Variants in CSMD3 observed in about 807,000 individuals in gnomAD.
The protein encoded by CSMD3 is CUB and Sushi multiple domains 3.
In CSMD3, 177 loss-of-function variants were observed where a neutral mutation model predicts 435.2. That is an observed-to-expected ratio of 0.41 (90% confidence interval 0.36 to 0.46). The LOEUF is 0.46. Ranked by LOEUF, CSMD3 falls within the 20% of genes least tolerant of loss-of-function variation. The pLI is 0.34. For missense variants in CSMD3, 4,265 were observed against 4,504.6 expected (o/e 0.95, Z 1.52); for synonymous variants, 1,656 against 1,520.5 (o/e 1.09, Z -2.07).
At chr8:112,816,031 G>T (rs1413358872) in intron 12 of CSMD3, among the ~76,000 whole-genome samples, 1 of 152,070 alleles carries the variant, frequency 6.6e-6, no homozygotes, top group Non-Finnish European at 1.5e-5. Flanking sequence ...TCCTGGAAGT[G>T]GTATCAATGA....
At chr8:113,054,434 A>G (rs2088229841) in intron 5 of CSMD3, among the ~76,000 whole-genome samples, 1 of 152,146 alleles carries the variant, frequency 6.6e-6, no homozygotes, top group Non-Finnish European at 1.5e-5. Flanking sequence ...GAAAATGAAA[A>G]CAATCCCATG....
chr8:113,399,697 G>C (rs2094501094), intron 1 of CSMD3, among the ~76,000 whole-genome samples: 1 of 151,890 alleles, frequency 6.6e-6, no homozygotes, highest in Non-Finnish European at 1.5e-5. Flanking sequence ...TCTTTGATGT[G>C]TGTGTTGTGG....
Position 112,351,171 on chromosome 8 carries a change from T to C in CSMD3, c.6325+4A>G. The C allele has an allele frequency of 6.4e-7, 1 of 1,562,994 alleles. No homozygotes were observed. Among genetic ancestry groups the C allele is most frequent in the Non-Finnish European group, 8.8e-7 (1 of 1,134,014 alleles). ...GGTAAATACTTTATAGTCTTTTAAC[T>C]TACCTAAACAAATTGGGATTGGATA... is the stretch of plus-strand genomic sequence containing the variant. On this transcript the variant is annotated splice_donor_region_variant and intron_variant, in intron 40 of 70. Coordinates refer to ENST00000297405, the MANE Select transcript of CSMD3 (RefSeq NM_198123.2).
intron 30 of CSMD3, among the ~76,000 whole-genome samples, 172 bp downstream of exon 30, chr8:112,503,618 A>G: frequency 6.6e-6 from 1 of 152,136 alleles, no homozygotes; most frequent in Middle Eastern, 3.2e-3. Flanking sequence ...TTTCCTTCCC[A>G]CTAATAAGAA....
intron 24 of CSMD3, among the ~76,000 whole-genome samples, chr8:112,558,115 T>C (rs1039125002): frequency 2.0e-5 from 3 of 151,858 alleles, no homozygotes; most frequent in Admixed American, 6.6e-5. Context: ...TGAAAAGTGA[T>C]TAGAAGGCCT....
intron 22 of CSMD3, among the ~76,000 whole-genome samples, chr8:112,597,760 C>CA (rs1420104295): frequency 7.7e-6 from 1 of 130,066 alleles, no homozygotes; most frequent in African/African-American, 3.1e-5. Flanking sequence ...GAGCCAAAGA[C>CA]AAAAACCACA....
intron 4 of CSMD3, among the ~76,000 whole-genome samples, chr8:113,153,711 A>C (rs1459245582): frequency 6.6e-6 from 1 of 152,078 alleles, no homozygotes; most frequent in African/African-American, 2.4e-5. Flanking sequence ...GGTGCAACAG[A>C]ATTTAGTCAA....
Position 112,231,584 on chromosome 8 carries a change from G to T in CSMD3, c.10789C>A (p.Gln3597Lys). The change falls in exon 69 of 71, where the codon CAA becomes AAA. Residue 3597 changes from glutamine (Q) to lysine (K), a missense_variant. Coordinates refer to ENST00000297405, the MANE Select transcript of CSMD3 (RefSeq NM_198123.2). ...GATYVFQGFI[Q>K]GKDYGQFGLQ... ...CCAAATTGTCCATAATCTTTGCCTT[G>T]AATAAATCCTTGAAATACATAAGTA... 3.1e-6 allele frequency: 5 copies of T among 1,612,420 alleles called. No individual in the cohort carries two copies. Among genetic ancestry groups the T allele is most frequent in the Non-Finnish European group, 4.2e-6 (5 of 1,178,706 alleles).
chr8:112,468,112 T>C lies in CSMD3; in HGVS notation c.5395+4479A>G, dbSNP rs1011980024. 2.0e-5 allele frequency among the ~76,000 whole-genome samples: 3 copies of C among 152,198 alleles called. No individual in the cohort carries two copies. The South Asian group carries it at 6.2e-4, about 31-fold the overall frequency. The stretch of plus-strand genomic sequence containing the variant: ...ATTCCAACAATATTTCATGTGAATA[T>C]TTCAATATTTCATGTGAAATTAATC... On this transcript the variant is annotated intron_variant, in intron 32 of 70. Coordinates refer to ENST00000297405, the MANE Select transcript of CSMD3 (RefSeq NM_198123.2).
chr8:113,318,240 T>C (rs1295113985), intron 1 of CSMD3, among the ~76,000 whole-genome samples: 1 of 152,150 alleles, frequency 6.6e-6, no homozygotes, highest in African/African-American at 2.4e-5. Flanking sequence ...TCACCCTCAA[T>C]CCTAATTCTG....
intron 3 of CSMD3, among the ~76,000 whole-genome samples, chr8:113,176,294 C>G (rs540907499): frequency 2.6e-5 from 4 of 152,052 alleles, no homozygotes; most frequent in African/African-American, 9.7e-5. Context: ...TTCATAAAGA[C>G]AGTTAAGATG....
intron 5 of CSMD3, among the ~76,000 whole-genome samples, chr8:113,090,255 G>A (rs556630966): frequency 2.6e-5 from 4 of 152,006 alleles, no homozygotes; most frequent in Admixed American, 2.0e-4. Context: ...GCTAATGGAG[G>A]GGAGTTGCAG....
intron 5 of CSMD3, among the ~76,000 whole-genome samples, chr8:113,084,043 A>T (rs2131467576): frequency 6.6e-6 from 1 of 152,300 alleles, no homozygotes. Flanking sequence ...AAAAAACAAG[A>T]CACAAGTATA....
chr8:112,735,505 A>G (rs2077167611), intron 13 of CSMD3, among the ~76,000 whole-genome samples: 1 of 152,054 alleles, frequency 6.6e-6, no homozygotes, highest in African/African-American at 2.4e-5. Context: ...TTTATTTGAC[A>G]AACTTATAAT....
intron 24 of CSMD3, among the ~76,000 whole-genome samples, chr8:112,560,368 C>G (rs1828511893): frequency 6.6e-6 from 1 of 151,624 alleles, no homozygotes; most frequent in Non-Finnish European, 1.5e-5. Flanking sequence ...TTTTTCCCCT[C>G]CCTCTTTCTC....
chr8:112,882,135 G>C (rs532420093), intron 10 of CSMD3, among the ~76,000 whole-genome samples: 3 of 151,968 alleles, frequency 2.0e-5, no homozygotes, highest in African/African-American at 4.8e-5. Flanking sequence ...GAGCTATACA[G>C]ATGTGAAAGG....
intron 7 of CSMD3, among the ~76,000 whole-genome samples, chr8:112,965,765 CTTCT>C (rs1321938567): frequency 1.3e-5 from 2 of 151,860 alleles, no homozygotes; most frequent in African/African-American, 4.8e-5. Flanking sequence ...TATTTTTTCT[CTTCT>C]TTCTTCTTAA....
chr8:112,317,855 T>C (rs1254591686), intron 47 of CSMD3, among the ~76,000 whole-genome samples: 2 of 152,040 alleles, frequency 1.3e-5, no homozygotes, highest in Non-Finnish European at 2.9e-5. Context: ...GCAGCTAAGA[T>C]ACTGCACAAG....
At chr8:112,762,906 C>A (rs1252444533) in intron 13 of CSMD3, among the ~76,000 whole-genome samples, 1 of 151,624 alleles carries the variant, frequency 6.6e-6, no homozygotes, top group Admixed American at 6.6e-5. Context: ...GAAATCTTAG[C>A]GATGGTGTGT....
Sources: allele counts gnomAD v4.1 joint callset (sites outside exome capture counted in the v4.1 genomes callset), GRCh38; gene constraint gnomAD v4.1.1; transcripts MANE v1.5; gene names NCBI Gene and HGNC (gene_info 2026-07-23, HGNC 2026-07-21).